WDR43: variants seen among roughly 807,000 people sequenced by gnomAD.
WDR43 encodes the protein WD repeat-containing protein 43.
Under a neutral mutation model 91.4 loss-of-function variants are expected in WDR43, and 13 were observed. The ratio of observed to expected loss-of-function variants is 0.14; its 90% CI spans 0.09 to 0.23. The LOEUF (loss-of-function observed/expected upper bound fraction) is 0.23, where lower values mean the gene tolerates loss of function less well. WDR43 is among the 10% of genes least tolerant of loss of function. The probability of loss-of-function intolerance (pLI) is 1.00; values close to 1 mark genes in which losing one functional copy is unlikely to be tolerated. For missense variants in WDR43, 780 were observed against 809.4 expected (o/e 0.96, Z 0.44); for synonymous variants, 331 against 287.9 (o/e 1.15, Z -1.51).
In WDR43 at chr2:28,902,006, A is replaced by T. The variant is rs764730910; in HGVS notation, c.245A>T (p.Lys82Ile). The change falls in exon 2 of 18, where the codon AAA becomes ATA. Residue 82 changes from lysine to isoleucine, a missense_variant. By Grantham distance (102) the Lys-to-Ile change is moderately radical. Coordinates refer to ENST00000407426, the MANE Select transcript of WDR43 (RefSeq NM_015131.3). ...TTCCAGGAAAGTCCCCAGAGGAAAA[A>T]AAGGAAATCAGAAGCTGTAGGAATG... ...LQAKESPQRK[K>I]RKSEAVGMSN... The T allele has an allele frequency of 4.4e-6, 7 of 1,592,744 alleles. No individual in the cohort carries two copies. The African/African-American group carries it at 9.5e-5, about 22-fold the overall frequency.
intron 16 of WDR43, 41 bp downstream of exon 16, chr2:28,942,422 A>G (rs372498726): frequency 6.3e-7 from 1 of 1,593,372 alleles, no homozygotes; most frequent in South Asian, 1.1e-5. Context: ...GAATTATAAC[A>G]TTCAGTTTTC....
chr2:28,936,867 A>T, intron 12 of WDR43, 55 bp from the exon 13 acceptor site: 5 of 1,464,186 alleles, frequency 3.4e-6, no homozygotes, highest in Non-Finnish European at 4.7e-6. Flanking sequence ...ATAGGAATTG[A>T]CAGCATTGGT....
At chr2:28,929,188 C>T (rs1050491305) in intron 10 of WDR43, among the ~76,000 whole-genome samples, 10 of 152,108 alleles carry the variant, frequency 6.6e-5, no homozygotes, top group African/African-American at 2.4e-4. Context: ...TTGTTTCCTC[C>T]TGCAGATCTG....
intron 11 of WDR43, chr2:28,930,230 TA>T: frequency 2.6e-6 from 1 of 385,234 alleles, no homozygotes; most frequent in Non-Finnish European, 5.4e-6. Context: ...AGAAACTTTG[TA>T]TAAAGGGAGG....
chr2:28,939,077 A>G (rs1671389156), intron 14 of WDR43, among the ~76,000 whole-genome samples: 1 of 66,820 alleles, frequency 1.5e-5, no homozygotes, highest in Admixed American at 1.5e-4. Flanking sequence ...GTGACCTGGG[A>G]GCACTGGTGA....
rs778586379 is a variant in WDR43, at chr2:28,926,500, A to G, written c.1119A>G (p.Leu373=). The change falls in exon 9 of 18, where the codon TTA becomes TTG. Residue 373 remains leucine, a synonymous_variant. Coordinates refer to ENST00000407426, the MANE Select transcript of WDR43 (RefSeq NM_015131.3). ...ACTCCAGAGAACCTCATATGTGTTTAGTAAGAGATATTTCAAACTGCTGGG... is the reference window on the plus strand; with the variant it reads ...ACTCCAGAGAACCTCATATGTGTTTGGTAAGAGATATTTCAAACTGCTGGG... ...ALNSREPHMC[L]VRDISNCWAP... 3.8e-6 allele frequency: 6 copies of G among 1,598,870 alleles called. No individual in the cohort carries two copies. The Admixed American group carries it at 1.0e-4, about 27-fold the overall frequency.
intron 1 of WDR43, 156 bp downstream of exon 1, chr2:28,895,079 C>A (rs1231621380): frequency 1.4e-6 from 1 of 702,438 alleles, no homozygotes; most frequent in African/African-American, 1.9e-5. Context: ...CCCAAGCCGC[C>A]AGCCCCGCGT....
intron 2 of WDR43, among the ~76,000 whole-genome samples, chr2:28,905,837 T>A (rs1233049513): frequency 6.6e-6 from 1 of 152,018 alleles, no homozygotes; most frequent in African/African-American, 2.4e-5. Context: ...GCTAATTTTG[T>A]ATTTTTTTAG....
chr2:28,896,194 T>C (rs1670477744), intron 1 of WDR43, among the ~76,000 whole-genome samples: 1 of 152,204 alleles, frequency 6.6e-6, no homozygotes, highest in African/African-American at 2.4e-5. Flanking sequence ...TGTAAAGTGA[T>C]AGTAATACTA....
intron 5 of WDR43, among the ~76,000 whole-genome samples, chr2:28,917,614 G>A (rs1670937768): frequency 6.6e-6 from 1 of 152,164 alleles, no homozygotes; most frequent in African/African-American, 2.4e-5. Context: ...TTAGTGTCAG[G>A]ATAGACAGAC....
chr2:28,907,078 G>A (rs1670695110), intron 3 of WDR43, among the ~76,000 whole-genome samples: 1 of 152,136 alleles, frequency 6.6e-6, no homozygotes, highest in South Asian at 2.1e-4. Flanking sequence ...AGGATCCTAA[G>A]AGCCTGGCCT....
At chr2:28,903,214 A>G (rs192193977) in intron 2 of WDR43, among the ~76,000 whole-genome samples, 3 of 152,288 alleles carry the variant, frequency 2.0e-5, no homozygotes, top group Admixed American at 2.0e-4. Context: ...GGGATAGTCC[A>G]TTATGTTACT....
intron 6 of WDR43, among the ~76,000 whole-genome samples, chr2:28,921,824 C>T (rs150440793): frequency 9.9e-4 from 150 of 152,250 alleles, no homozygotes; most frequent in Middle Eastern, 6.8e-3. Flanking sequence ...GTGATCCCAC[C>T]CCAGTCTTGT....
At chr2:28,942,425 C>T (rs1483911053) in intron 16 of WDR43, 44 bp downstream of exon 16, 1 of 1,577,116 alleles carries the variant, frequency 6.3e-7, no homozygotes, top group Non-Finnish European at 8.7e-7. Flanking sequence ...TTATAACATT[C>T]AGTTTTCAGT....
intron 6 of WDR43, among the ~76,000 whole-genome samples, chr2:28,921,168 G>A (rs1327613816): frequency 4.7e-5 from 7 of 148,672 alleles, no homozygotes; most frequent in South Asian, 2.1e-4. Context: ...TTGCTTTGTC[G>A]CCAGGCTGGA....
In WDR43 at chr2:28,925,195, T is replaced by C. The variant is rs376690231; in HGVS notation, c.1086+42T>C. 2,700 of 1,533,392 alleles carry C rather than the reference T, an allele frequency of 1.8e-3. 6 individuals are homozygous for C. The highest frequency in any genetic ancestry group is 2.2e-3 in the Non-Finnish European group (2,549 of 1,137,860). 95.0% of individuals were successfully genotyped at this position (1,533,392 alleles called of 1,614,324 possible). On this transcript the variant is annotated intron_variant, in intron 8 of 17. Transcript: ENST00000407426. ...CTGGAGTAAAGCAATATAGCATCCC[T>C]GTGTCCATGGAAGAGAGTGATTTTA...
intron 10 of WDR43, 149 bp from the exon 11 acceptor site, chr2:28,929,429 TG>T (rs1553328929): frequency 7.5e-6 from 5 of 666,110 alleles, no homozygotes; most frequent in Non-Finnish European, 1.1e-5. Flanking sequence ...ATTATGGTAA[TG>T]AGGTTCTCTT....
chr2:28,942,813 C>A (rs530639599), intron 16 of WDR43, among the ~76,000 whole-genome samples: 1 of 151,934 alleles, frequency 6.6e-6, no homozygotes, highest in African/African-American at 2.4e-5. Context: ...GACAGAGTTT[C>A]ACTATGTTGC....
rs1671583031 is a variant in WDR43, at chr2:28,948,062, G to A, written c.*1283G>A. ...CCAATGACAGAACAGAGATTTGTGTGCTCATCTTAAGAGCCAGAGCCATAT... is the reference window on the plus strand; with the variant it reads ...CCAATGACAGAACAGAGATTTGTGTACTCATCTTAAGAGCCAGAGCCATAT... On this transcript the variant is annotated 3_prime_UTR_variant, in exon 18 of 18. Transcript: ENST00000407426. 1 of 151,978 alleles carries A rather than the reference G, an allele frequency of 6.6e-6. No individual in the cohort carries two copies. The highest frequency in any genetic ancestry group is 1.5e-5 in the Non-Finnish European group (1 of 67,976). The allele number at this position is 151,978 out of a possible 1,614,324, so 9.4% of individuals were successfully genotyped here.
Sources: allele counts gnomAD v4.1 joint callset (sites outside exome capture counted in the v4.1 genomes callset), GRCh38; gene constraint gnomAD v4.1.1; transcripts MANE v1.5; gene names NCBI Gene and HGNC (gene_info 2026-07-23, HGNC 2026-07-21).